The following ANKMY1 variants were observed in gnomAD, a reference collection of about 807,000 sequenced individuals.
ANKMY1 encodes the protein ankyrin repeat and MYND domain containing 1.
Under a neutral mutation model 102.0 loss-of-function variants are expected in ANKMY1, and 98 were observed. That is an observed-to-expected ratio of 0.96 (90% CI 0.82 to 1.14). The LOEUF (loss-of-function observed/expected upper bound fraction) is 1.14. ANKMY1 is among the 50% of genes most tolerant of loss of function. The pLI is 0.00. For synonymous variants in ANKMY1, 582 were observed against 559.9 expected, an observed-to-expected ratio of 1.04 and a Z score of -0.56; for missense variants, 1,330 against 1,347.6, an observed-to-expected ratio of 0.99 and a Z score of 0.20.
At chr2:240,504,905 T>G (rs2078797982) in intron 13 of ANKMY1, among the ~76,000 whole-genome samples, 1 of 151,998 alleles carries the variant, frequency 6.6e-6, no homozygotes, top group Non-Finnish European at 1.5e-5. Flanking sequence ...AAGAATCACT[T>G]GAACCCGGGA....
chr2:240,521,562 C>T (rs1197177169), intron 8 of ANKMY1, among the ~76,000 whole-genome samples: 1 of 136,020 alleles, frequency 7.4e-6, no homozygotes, highest in Non-Finnish European at 1.5e-5. Context: ...TGCAGTGGCG[C>T]GATGCCACTC....
At chr2:240,544,922 A>G (rs1249085291) in intron 4 of ANKMY1, among the ~76,000 whole-genome samples, 1 of 152,104 alleles carries the variant, frequency 6.6e-6, no homozygotes. Context: ...GGCGGCAGCG[A>G]GGCTGGGGGA....
intron 13 of ANKMY1, among the ~76,000 whole-genome samples, chr2:240,504,001 C>A (rs1559268279): frequency 6.6e-6 from 1 of 152,238 alleles, no homozygotes; most frequent in Non-Finnish European, 1.5e-5. Flanking sequence ...GGGTCACAAC[C>A]CTGCAACACC....
At chr2:240,560,553 C>A (rs1382301536), upstream of ANKMY1, 3 of 1,251,290 alleles carry the variant, frequency 2.4e-6, no homozygotes, top group Non-Finnish European at 3.1e-6. Context: ...CCAGCCTGGT[C>A]CACCTCGGAG....
At chr2:240,556,664 A>C (rs546130240) in intron 2 of ANKMY1, among the ~76,000 whole-genome samples, 1 of 152,152 alleles carries the variant, frequency 6.6e-6, no homozygotes, top group South Asian at 2.1e-4. Flanking sequence ...CCCACCTTTC[A>C]ATTCTTAACC....
intron 13 of ANKMY1, among the ~76,000 whole-genome samples, 189 bp downstream of exon 13, chr2:240,507,371 C>T (rs1181506569): frequency 1.3e-5 from 2 of 148,948 alleles, no homozygotes; most frequent in African/African-American, 5.0e-5. Context: ...TCCCGCCCCC[C>T]CTCACCAGGG....
rs376552970 is a variant in ANKMY1, at chr2:240,544,755, C to G, written c.480+8159G>C. Among the ~76,000 whole-genome samples the G allele has an allele frequency of 2.6e-5, 4 of 152,332 alleles. No homozygotes were observed. The East Asian group carries it at 7.7e-4, about 29-fold the overall frequency. On this transcript the variant is annotated intron_variant, in intron 4 of 17. Transcript: ENST00000401804. Reference sequence around the variant, plus strand: ...TCAAAGAAAGGGGTGACAGACGGCACCTGGAAAATCGGGTCACTCCCACCC... The same window carrying G: ...TCAAAGAAAGGGGTGACAGACGGCAGCTGGAAAATCGGGTCACTCCCACCC...
chr2:240,480,325 G>A (rs925042677), intron 17 of ANKMY1, among the ~76,000 whole-genome samples: 1 of 152,238 alleles, frequency 6.6e-6, no homozygotes, highest in South Asian at 2.1e-4. Context: ...ACCCAGCCAG[G>A]TCCCAGTAGA....
chr2:240,532,808 G>A (rs968022052), intron 4 of ANKMY1, among the ~76,000 whole-genome samples: 3 of 152,144 alleles, frequency 2.0e-5, no homozygotes, highest in Non-Finnish European at 4.4e-5. Flanking sequence ...GGGCTCAAGC[G>A]AGCCTCCCAC....
intron 4 of ANKMY1, among the ~76,000 whole-genome samples, chr2:240,546,079 T>C (rs968978462): frequency 4.0e-5 from 6 of 151,846 alleles, no homozygotes; most frequent in African/African-American, 1.5e-4. Context: ...AAAGTTGAAA[T>C]GAAGGAAAAA....
At chr2:240,560,615 C>A (rs1200255893), upstream of ANKMY1, 27 of 1,382,606 alleles carry the variant, frequency 2.0e-5, no homozygotes, top group Admixed American at 6.2e-4. Flanking sequence ...CACAAATAGA[C>A]TCCTGGGCGG....
At chr2:240,527,519 G>A (rs9646893) in intron 5 of ANKMY1, 12,538 of 139,830 alleles carry the variant, frequency 0.09, 678 homozygotes, top group Non-Finnish European at 0.13. Flanking sequence ...TCAATGTTGC[G>A]TGAGTATACT....
intron 4 of ANKMY1, among the ~76,000 whole-genome samples, chr2:240,541,828 G>C (rs2088922811): frequency 6.6e-6 from 1 of 152,088 alleles, no homozygotes; most frequent in African/African-American, 2.4e-5. Flanking sequence ...GCAGGGTTGG[G>C]CCAGATTAGT....
At chr2:240,481,278 G>C (rs1470629117) in intron 16 of ANKMY1, among the ~76,000 whole-genome samples, 181 bp from the exon 17 acceptor site, 1 of 152,210 alleles carries the variant, frequency 6.6e-6, no homozygotes, top group Non-Finnish European at 1.5e-5. Context: ...TCGTCCTGAG[G>C]ATGTTCAGCA....
intron 9 of ANKMY1, among the ~76,000 whole-genome samples, chr2:240,518,100 G>A (rs1013563622): frequency 6.6e-6 from 1 of 152,166 alleles, no homozygotes; most frequent in Non-Finnish European, 1.5e-5. Flanking sequence ...CGAATGGGGG[G>A]GAAGGGTGTT....
downstream of ANKMY1, among the ~76,000 whole-genome samples, chr2:240,476,862 G>C (rs902467180): frequency 2.0e-4 from 31 of 152,240 alleles, no homozygotes; most frequent in African/African-American, 6.3e-4. Context: ...ACTCCAGCAA[G>C]CCAGGCCCTG....
intron 4 of ANKMY1, among the ~76,000 whole-genome samples, chr2:240,539,908 C>A (rs1351952841): frequency 1.3e-5 from 2 of 152,128 alleles, no homozygotes; most frequent in Non-Finnish European, 2.9e-5. Flanking sequence ...CTTGCTATAC[C>A]CCCTCCCTTT....
chr2:240,507,691 C>A lies in ANKMY1; in HGVS notation c.2395G>T (p.Val799Phe). The change falls in exon 13 of 18, where the codon GTT (valine) becomes TTT (phenylalanine). Residue 799 changes from valine (V) to phenylalanine (F), a missense_variant and splice_region_variant. Transcript: ENST00000401804. ...CCCTGGGTCAGGAGCTCCTTCACAACCTGAACATACACAGACAGTCTCATC... is the reference window on the plus strand; with the variant it reads ...CCCTGGGTCAGGAGCTCCTTCACAAACTGAACATACACAGACAGTCTCATC... The part of the protein sequence containing the change: ...SLSIASGNEL[V>F]VKELLTQGAD... The A allele has an allele frequency of 6.2e-7, 1 of 1,604,318 alleles. No individual in the cohort carries two copies. Among genetic ancestry groups the A allele is most frequent in the Non-Finnish European group, 8.5e-7 (1 of 1,174,988 alleles).
intron 2 of ANKMY1, 117 bp from the exon 3 acceptor site, chr2:240,555,172 C>A: frequency 8.9e-7 from 1 of 1,124,972 alleles, no homozygotes; most frequent in East Asian, 2.5e-5. Flanking sequence ...AGTCCCGGGG[C>A]AGGTGCCGCT....
Sources: allele counts gnomAD v4.1 joint callset (sites outside exome capture counted in the v4.1 genomes callset), GRCh38; gene constraint gnomAD v4.1.1; transcripts MANE v1.5; gene names NCBI Gene and HGNC (gene_info 2026-07-23, HGNC 2026-07-21).